FSTL4: variants seen among roughly 807,000 people sequenced by gnomAD.
The protein encoded by FSTL4 is follistatin like 4, also known as follistatin-related protein 4.
FSTL4 carries 28 observed loss-of-function variants against 78.2 expected under a neutral mutation model. The observed-to-expected ratio is 0.36, with a 90% CI of 0.27 to 0.49. The LOEUF is 0.49. Among genes scored for constraint, FSTL4 ranks in the 20% least tolerant of loss-of-function variants. The pLI is 0.98. For synonymous variants in FSTL4, 422 were observed against 440.5 expected, an observed-to-expected ratio of 0.96 and a Z score of 0.53; for missense variants, 922 against 1,084.9, an observed-to-expected ratio of 0.85 and a Z score of 2.11.
chr5:133,614,745 G>A (rs1761169399), upstream of FSTL4, among the ~76,000 whole-genome samples: 1 of 152,066 alleles, frequency 6.6e-6, no homozygotes, highest in Non-Finnish European at 1.5e-5. Context: ...GATTCTTAGG[G>A]GAAATAATGG....
At chr5:133,709,955 G>A in the FSTL4 span, among the ~76,000 whole-genome samples, 2 of 152,230 alleles carry the variant, frequency 1.3e-5, no homozygotes, top group Non-Finnish European at 2.9e-5. Flanking sequence ...GGACTGAAAA[G>A]ACACTGAGTT....
the FSTL4 span, among the ~76,000 whole-genome samples, chr5:133,761,553 T>C: frequency 6.6e-6 from 1 of 152,230 alleles, no homozygotes; most frequent in Non-Finnish European, 1.5e-5. Context: ...CGTTTGCTTC[T>C]TCCAGACTTC....
the FSTL4 span, among the ~76,000 whole-genome samples, chr5:133,751,815 C>A: frequency 6.6e-6 from 1 of 152,216 alleles, no homozygotes; most frequent in Non-Finnish European, 1.5e-5. Flanking sequence ...AAGCTGTCTG[C>A]CAGAGGGGCA....
At chr5:133,777,645 A>G in the FSTL4 span, among the ~76,000 whole-genome samples, 1 of 152,236 alleles carries the variant, frequency 6.6e-6, no homozygotes, top group Non-Finnish European at 1.5e-5. Context: ...GGTTTTCAAC[A>G]TAAGTGGAAC....
chr5:133,301,391 T>C (rs1753535107), intron 6 of FSTL4, among the ~76,000 whole-genome samples: 1 of 152,124 alleles, frequency 6.6e-6, no homozygotes, highest in Non-Finnish European at 1.5e-5. Context: ...TGGCACGTGG[T>C]GAGCACGCAG....
At chr5:133,385,812 CAA>C (rs1340337113) in intron 4 of FSTL4, among the ~76,000 whole-genome samples, 1 of 152,148 alleles carries the variant, frequency 6.6e-6, no homozygotes, top group East Asian at 1.9e-4. Context: ...TTTGTCGAGT[CAA>C]GAGTGGCTAA....
chr5:133,594,063 C>A (rs897300803), intron 2 of FSTL4, among the ~76,000 whole-genome samples: 4 of 152,180 alleles, frequency 2.6e-5, no homozygotes, highest in African/African-American at 7.2e-5. Flanking sequence ...ATTGGCCAAG[C>A]CAGCCCAGGG....
At position 133,542,096 on chromosome 5, in the gene FSTL4, A is replaced by G. The variant is rs148337391; in HGVS notation, c.160+25090T>C. Among the ~76,000 whole-genome samples the G allele has an allele frequency of 4.8e-3, 736 of 152,322 alleles. 3 individuals carry two copies. The highest frequency in any genetic ancestry group is 7.6e-3 in the Non-Finnish European group (520 of 68,026). On this transcript the variant is annotated intron_variant, in intron 3 of 15. Transcript: ENST00000265342. ...CTCGCATTATATACTAAATACATTT[A>G]TTATTTGCTACTGGTTTAAAAAAAA...
the FSTL4 span, among the ~76,000 whole-genome samples, chr5:133,662,788 C>G: frequency 6.6e-6 from 1 of 152,270 alleles, no homozygotes; most frequent in African/African-American, 2.4e-5. Flanking sequence ...GCTGCCACCT[C>G]TTCAGGTACT....
intron 6 of FSTL4, chr5:133,312,435 TTATTAAAA>T (rs1459472631): frequency 1.8e-6 from 1 of 566,076 alleles, no homozygotes; most frequent in East Asian, 3.0e-5. Flanking sequence ...AGAAAAATCT[TTATTAAAA>T]AGGAACAGGG....
the FSTL4 span, among the ~76,000 whole-genome samples, chr5:133,649,935 A>G: frequency 6.6e-6 from 1 of 152,054 alleles, no homozygotes; most frequent in East Asian, 1.9e-4. Flanking sequence ...TCACAAAAAA[A>G]AAAAGGTTTA....
chr5:133,604,604 G>A (rs1181638508), intron 1 of FSTL4, among the ~76,000 whole-genome samples: 1 of 152,170 alleles, frequency 6.6e-6, no homozygotes, highest in African/African-American at 2.4e-5. Flanking sequence ...AGCTACTCAG[G>A]AGGCTGGGGC....
intron 4 of FSTL4, among the ~76,000 whole-genome samples, chr5:133,328,175 A>C (rs1057048557): frequency 6.6e-6 from 1 of 152,230 alleles, no homozygotes; most frequent in African/African-American, 2.4e-5. Flanking sequence ...GCTGTGCTGC[A>C]CTGGAGCAGA....
intron 8 of FSTL4, among the ~76,000 whole-genome samples, chr5:133,232,588 A>T (rs928676645): frequency 6.6e-6 from 1 of 152,170 alleles, no homozygotes; most frequent in African/African-American, 2.4e-5. Context: ...CCCAAGCATT[A>T]TATACATATT....
At chr5:133,319,848 A>G (rs1754003094) in intron 4 of FSTL4, among the ~76,000 whole-genome samples, 1 of 152,182 alleles carries the variant, frequency 6.6e-6, no homozygotes, top group Non-Finnish European at 1.5e-5. Flanking sequence ...GTTGCAAGAG[A>G]GAACTTTGCC....
intron 3 of FSTL4, among the ~76,000 whole-genome samples, chr5:133,534,220 T>C (rs1759308845): frequency 6.6e-6 from 1 of 152,060 alleles, no homozygotes. Context: ...GACTCCATGT[T>C]AAAGCTAACA....
Position 133,199,127 on chromosome 5 carries a change from C to T in FSTL4, c.2497G>A (p.Gly833Arg), listed in dbSNP as rs1392267844. The T allele has an allele frequency of 6.4e-7, 1 of 1,566,362 alleles. No individual in the cohort carries two copies. Among genetic ancestry groups the T allele is most frequent in the South Asian group, 1.2e-5 (1 of 82,732 alleles). ...TCACCCACCCACACCACTGTGGTCCCCCCCTTTATACCTGACACCTCACAC... is the reference window on the plus strand; with the variant it reads ...TCACCCACCCACACCACTGTGGTCCTCCCCTTTATACCTGACACCTCACAC... ...LRCEVSGIKGGTTVVWVGEV is the reference protein window; with the variant it reads ...LRCEVSGIKGRTTVVWVGEV The change falls in exon 16 of 16, where the codon GGG becomes AGG. Residue 833 changes from glycine (G) to arginine (R), a missense_variant. Gly to Arg is a moderately radical substitution (Grantham distance 125). Transcript: ENST00000265342. The surrounding 1 kb of genome is among the most constrained non-coding windows in gnomAD (Gnocchi z 4.4).
rs1225866720 is a variant in FSTL4, at chr5:133,361,011, CT to C, written c.409+39726del. Among the ~76,000 whole-genome samples the C allele has an allele frequency of 1.3e-5, 2 of 152,090 alleles. No homozygotes were observed. Among genetic ancestry groups the C allele is most frequent in the Non-Finnish European group, 1.5e-5 (1 of 68,000 alleles). ...TCACAATAACACAATTGTGTAGGAC[CT>C]TTTTTTCTCTTCTTGGAGTTTACAA... On this transcript the variant is annotated intron_variant, in intron 4 of 15. Coordinates refer to ENST00000265342, the MANE Select transcript of FSTL4 (RefSeq NM_015082.2). This position sits in a 1 kb window ranked among gnomAD's most constrained non-coding sequence, Gnocchi z 4.3.
intron 3 of FSTL4, among the ~76,000 whole-genome samples, chr5:133,554,799 T>C (rs1167333062): frequency 6.6e-6 from 1 of 152,072 alleles, no homozygotes; most frequent in African/African-American, 2.4e-5. Context: ...CAGTGAGAGG[T>C]TTGGATTGGA....
Sources: gnomAD v4.1 joint callset for allele counts (sites outside exome capture counted in the v4.1 genomes callset) on GRCh38, gnomAD v4.1.1 for gene constraint, Gnocchi (gnomAD v3.1) non-coding constraint, MANE v1.5 for transcripts, NCBI Gene and HGNC (gene_info 2026-07-23, HGNC 2026-07-21) for gene names.